LRRC24: variants seen among roughly 807,000 people sequenced by gnomAD.
LRRC24 encodes the protein leucine-rich repeat-containing protein 24.
In LRRC24, 19 loss-of-function variants were observed where a neutral mutation model predicts 15.3. The ratio of observed to expected loss-of-function variants is 1.25; its 90% CI spans 0.87 to 1.83. The LOEUF (loss-of-function observed/expected upper bound fraction) is 1.83. Among genes scored for constraint, LRRC24 ranks in the 40% most tolerant of loss-of-function variants. The pLI, the probability that LRRC24 is intolerant of heterozygous loss-of-function variation, is 0.00. For missense variants in LRRC24, 914 were observed against 723.9 expected (o/e 1.26, Z -3.01); for synonymous variants, 469 against 359.6 (o/e 1.30, Z -3.44).
chr8:144,524,422 T>C lies in LRRC24; in HGVS notation c.438+19A>G. On this transcript the variant is annotated intron_variant, in intron 3 of 4. Coordinates refer to ENST00000529415, the MANE Select transcript of LRRC24 (RefSeq NM_001024678.4). ...GGCCATAATGGAGTATCCCGCCCCTTTAGACCCCAGGCGCTCACCGGCAGG... is the reference window on the plus strand; with the variant it reads ...GGCCATAATGGAGTATCCCGCCCCTCTAGACCCCAGGCGCTCACCGGCAGG... 6.3e-7 allele frequency: 1 copy of C among 1,597,162 alleles called. No individual in the cohort carries two copies. The highest frequency in any genetic ancestry group is 8.5e-7 in the Non-Finnish European group (1 of 1,179,528).
In LRRC24 at chr8:144,522,637, C is replaced by CTTGAAAAAA; in HGVS notation, c.1379_1380insTTTTTTCAA (p.Glu460delinsAspPhePheLys). ...CGTGGCCGCGCTCGTCGCGGAGCTC[C>CTTGAAAAAA]TCTAGCTGTGCGAACGTACAGGGGC... On this transcript the variant is annotated protein_altering_variant, in exon 5 of 5. Transcript: ENST00000529415. 1.3e-6 allele frequency: 2 copies of CTTGAAAAAA among 1,584,102 alleles called. No individual in the cohort carries two copies. The highest frequency in any genetic ancestry group is 2.4e-5 in the East Asian group (1 of 41,762).
chr8:144,524,462 A>G lies in LRRC24; in HGVS notation c.417T>C (p.Asp139=). 1 of 1,597,870 alleles carries G rather than the reference A, an allele frequency of 6.3e-7. No homozygotes were observed. Among genetic ancestry groups the G allele is most frequent in the Non-Finnish European group, 8.5e-7 (1 of 1,179,832 alleles). ...TCACCGGCAGGTGCAAGAAGGTGAA[A>G]TCCAGCAGCCGCGCCAGCTGGTTGC... ...LAGNQLARLL[D]FTFLHLPRLQ... The change falls in exon 3 of 5, where the codon GAT becomes GAC. Residue 139 remains aspartate, a synonymous_variant. Transcript: ENST00000529415.
Position 144,524,704 on chromosome 8 carries a change from C to T in LRRC24, c.175G>A (p.Asp59Asn), listed in dbSNP as rs1409145156. 17 of 1,459,494 alleles carry T rather than the reference C, an allele frequency of 1.2e-5. No individual in the cohort carries two copies. Among genetic ancestry groups the T allele is most frequent in the Non-Finnish European group, 1.5e-5 (17 of 1,114,990 alleles). The allele number at this position is 1,459,494 out of a possible 1,614,324, so 90.4% of individuals were successfully genotyped here. ...PPGTQTLFLQ[D>N]NNIARLEPGA... ...GGCTCTAGGCGGGCGATGTTGTTGT[C>T]CTGCAGGAACAGTGTCTGCAGGCCG... The change falls in exon 3 of 5, where the codon GAC becomes AAC. Residue 59 changes from aspartate to asparagine, a missense_variant. Transcript: ENST00000529415.
At position 144,523,423 on chromosome 8, in the gene LRRC24, G is replaced by C. The variant is rs200475932; in HGVS notation, c.608-14C>G. 1.6e-5 allele frequency: 24 copies of C among 1,515,506 alleles called. 1 individual carries two copies. In the Admixed American group the frequency reaches 4.6e-4, roughly 29 times the overall value. The allele number at this position is 1,515,506 out of a possible 1,614,324, so 93.9% of individuals were successfully genotyped here. A position where few individuals can be genotyped will look rare whatever the true frequency, so the allele number is the denominator to read the frequency against. Reference sequence around the variant, plus strand: ...GCCATGGGTTCTCTGTGGGAGAGCAGCGTTAGGCAGGTGGCTTGAGGGTGC... The same window carrying C: ...GCCATGGGTTCTCTGTGGGAGAGCACCGTTAGGCAGGTGGCTTGAGGGTGC... On this transcript the variant is annotated splice_polypyrimidine_tract_variant and intron_variant, in intron 4 of 4. Transcript: ENST00000529415.
intron 1 of LRRC24, 155 bp from the exon 2 acceptor site, chr8:144,525,188 A>G (rs1816319291): frequency 4.3e-6 from 2 of 470,244 alleles, no homozygotes; most frequent in Admixed American, 4.3e-5. Flanking sequence ...ACATTTTCTT[A>G]AAGCTCTGGG....
Position 144,523,012 on chromosome 8 carries a change from G to A in LRRC24, c.1005C>T (p.Ile335=). The change falls in exon 5 of 5, where the codon ATC becomes ATT. Residue 335 remains isoleucine (I), a synonymous_variant. Coordinates refer to ENST00000529415, the MANE Select transcript of LRRC24 (RefSeq NM_001024678.4). ...TGSGMLFLSN[I]TLAHAGKYEC... is the part of the protein sequence containing the mutation. ...CGTACTTACCGGCGTGCGCCAGCGTGATGTTGCTGAGGAAGAGCATGCCGC... is the reference window on the plus strand; with the variant it reads ...CGTACTTACCGGCGTGCGCCAGCGTAATGTTGCTGAGGAAGAGCATGCCGC... 1 of 1,597,248 alleles carries A rather than the reference G, an allele frequency of 6.3e-7. No individual in the cohort carries two copies. Among genetic ancestry groups the A allele is most frequent in the Non-Finnish European group, 8.5e-7 (1 of 1,174,950 alleles).
intron 3 of LRRC24, 38 bp from the exon 4 acceptor site, chr8:144,524,316 C>T: frequency 6.2e-7 from 1 of 1,604,766 alleles, no homozygotes; most frequent in South Asian, 1.1e-5. Flanking sequence ...AAAAAGGGCG[C>T]CGAGGTTGGG....
intron 4 of LRRC24, 141 bp downstream of exon 4, chr8:144,523,969 C>A (rs994255187): frequency 1.0e-6 from 1 of 981,334 alleles, no homozygotes; most frequent in African/African-American, 1.6e-5. Flanking sequence ...CTCCCGCAGC[C>A]CTCCAGTGTG....
intron 4 of LRRC24, chr8:144,523,714 T>C (rs759705297): frequency 2.4e-6 from 1 of 414,922 alleles, no homozygotes; most frequent in Non-Finnish European, 4.2e-6. Context: ...TTTAGGAACC[T>C]GGGCGTCCAC....
rs747179919 is a variant in LRRC24 at position 144,522,740 on chromosome 8, C to T, written c.1277G>A (p.Cys426Tyr). ...CTTTTTTCGCCTGCGGCGCCGGCGA[C>T]AGATCATGGCGACCAGGAGCAGCGC... Reference protein sequence around the residue: ...LTALLLVAMICRRRRRRKKAR... With the variant: ...LTALLLVAMIYRRRRRRKKAR... Residue 426 changes from cysteine (C) to tyrosine (Y), a missense_variant, in exon 5 of 5, where the codon TGT becomes TAT. Transcript: ENST00000529415. 1.3e-6 allele frequency: 2 copies of T among 1,589,168 alleles called. No homozygotes were observed. The highest frequency in any genetic ancestry group is 1.1e-5 in the South Asian group (1 of 87,934).
intron 4 of LRRC24, chr8:144,523,810 G>A: frequency 2.2e-6 from 1 of 462,044 alleles, no homozygotes; most frequent in East Asian, 3.6e-5. Flanking sequence ...CCCAGTCCTG[G>A]TCAGCTGTCT....
At chr8:144,526,738 C>T (rs1383977062) in intron 1 of LRRC24, 3 of 152,306 alleles carry the variant, frequency 2.0e-5, no homozygotes, top group African/African-American at 7.2e-5. Flanking sequence ...TTGCGCACCT[C>T]TGCAGCGCTG....
rs540564238 is a variant in LRRC24 at position 144,524,540 on chromosome 8, C to G, written c.339G>C (p.Leu113Phe). 1 of 1,582,516 alleles carries G rather than the reference C, an allele frequency of 6.3e-7. No homozygotes were observed. Among genetic ancestry groups the G allele is most frequent in the South Asian group, 1.1e-5 (1 of 89,578 alleles). ...LALTSNRLRG[L>F]RSGAFVGLAQ... ...CCAGGCCTACGAAGGCGCCGCTGCGCAAGCCGCGCAGCCGGTTGCTAGTGA... is the reference window on the plus strand; with the variant it reads ...CCAGGCCTACGAAGGCGCCGCTGCGGAAGCCGCGCAGCCGGTTGCTAGTGA... Residue 113 changes from leucine (L) to phenylalanine (F), a missense_variant, in exon 3 of 5, where the codon TTG becomes TTC. Coordinates refer to ENST00000529415, the MANE Select transcript of LRRC24 (RefSeq NM_001024678.4).
intron 4 of LRRC24, chr8:144,523,817 G>C: frequency 2.1e-6 from 1 of 472,702 alleles, no homozygotes. Flanking sequence ...CTGGTCAGCT[G>C]TCTCTCTCCT....
Position 144,522,613 on chromosome 8 carries a change from G to C in LRRC24, c.1404C>G (p.His468Gln), listed in dbSNP as rs1261791527. The change falls in exon 5 of 5, where the codon CAC becomes CAG. Residue 468 changes from histidine to glutamine, a missense_variant. Coordinates refer to ENST00000529415, the MANE Select transcript of LRRC24 (RefSeq NM_001024678.4). ...TGGAGCGGTTGATGACGAACATCTC[G>C]TGGCCGCGCTCGTCGCGGAGCTCCT... ...QLEELRDERG[H>Q]EMFVINRSKP... 1.3e-6 allele frequency: 2 copies of C among 1,570,996 alleles called. No homozygotes were observed. Among genetic ancestry groups the C allele is most frequent in the South Asian group, 1.2e-5 (1 of 86,118 alleles).
intron 1 of LRRC24, among the ~76,000 whole-genome samples, chr8:144,525,423 G>C (rs564950648): frequency 5.7e-4 from 87 of 152,342 alleles, no homozygotes; most frequent in South Asian, 1.2e-3. Flanking sequence ...TGGAAGTACA[G>C]GGTATGGCTT....
Position 144,522,691 on chromosome 8 carries a change from TC to T in LRRC24, c.1325del (p.Gly442GlufsTer18). 6.3e-7 allele frequency: 1 copy of T among 1,595,718 alleles called. No homozygotes were observed. On this transcript the variant is annotated frameshift_variant, in exon 5 of 5. Transcript: ENST00000529415. LOFTEE classifies it low-confidence loss of function (END_TRUNC). Reference protein sequence around the residue: ...RKKARGPPGEGALFVNDYLDG... With the variant: ...RKKARGPPGEXALFVNDYLDG... ...CCAAGTAGTCGTTGACGAACAGCGC[TC>T]CCTCCCCCGGAGGCCCCCGCGCCTT...
At position 144,525,192 on chromosome 8, in the gene LRRC24, C is replaced by T. The variant is rs544148986; in HGVS notation, c.-59-159G>A. 1.3e-5 allele frequency: 6 copies of T among 456,074 alleles called. No individual in the cohort carries two copies. The Admixed American group carries it at 1.7e-4, about 13-fold the overall frequency. 28.3% of individuals were successfully genotyped at this position (456,074 alleles called of 1,614,324 possible). A position where few individuals can be genotyped will look rare whatever the true frequency, so the allele number is the denominator to read the frequency against. On this transcript the variant is annotated intron_variant, in intron 1 of 4. Transcript: ENST00000529415. ...CTTTGACAAAAACATTTTCTTAAAG[C>T]TCTGGGGCATCAGGTTCAAATTTAG...
rs1258192680 is a variant in LRRC24, at chr8:144,522,393, G to A, written c.*82C>T. 2.9e-6 allele frequency: 4 copies of A among 1,363,292 alleles called. No homozygotes were observed. Among genetic ancestry groups the A allele is most frequent in the Non-Finnish European group, 3.8e-6 (4 of 1,064,920 alleles). The allele number at this position is 1,363,292 out of a possible 1,614,324, so 84.4% of individuals were successfully genotyped here. A position where few individuals can be genotyped will look rare whatever the true frequency, so the allele number is the denominator to read the frequency against. ...ACACACGGCTCAGCGCACACTGCGC[G>A]GCTTCCACCTTTACTGACGGAGCAT... On this transcript the variant is annotated 3_prime_UTR_variant, in exon 5 of 5. Coordinates refer to ENST00000529415, the MANE Select transcript of LRRC24 (RefSeq NM_001024678.4).
Sources: allele counts gnomAD v4.1 joint callset (sites outside exome capture counted in the v4.1 genomes callset), GRCh38; gene constraint gnomAD v4.1.1; transcripts MANE v1.5; gene names NCBI Gene and HGNC (gene_info 2026-07-23, HGNC 2026-07-21).